ACER3: variants seen among roughly 807,000 people sequenced by gnomAD.
ACER3 encodes the protein alkCDase 3.
In ACER3, 16 loss-of-function variants were observed where a neutral mutation model predicts 48.9. The observed-to-expected ratio is 0.33, with a 90% CI of 0.22 to 0.50. The LOEUF is 0.50. Ranked by LOEUF, ACER3 falls within the 20% of genes least tolerant of loss-of-function variation. The pLI is 0.98. For synonymous variants in ACER3, 109 were observed against 107.8 expected (o/e 1.01, Z -0.07); for missense variants, 227 against 326.0 (o/e 0.70, Z 2.34).
intron 3 of ACER3, among the ~76,000 whole-genome samples, chr11:76,971,497 G>A (rs1011608655): frequency 2.6e-5 from 4 of 151,312 alleles, no homozygotes; most frequent in Admixed American, 6.6e-5. Context: ...CCAAGATCGC[G>A]CCACTGCACT....
Position 76,976,359 on chromosome 11 carries a change from T to G in ACER3, c.320+18T>G. On this transcript the variant is annotated intron_variant, in intron 4 of 10. Transcript: ENST00000532485. The stretch of plus-strand genomic sequence containing the variant: ...TACTGCATGTAAGTACTTTTAAAAT[T>G]TCATTGTTTGATTTATTTTTAAATT... 1 of 1,496,586 alleles carries G rather than the reference T, an allele frequency of 6.7e-7. No individual in the cohort carries two copies. The highest frequency in any genetic ancestry group is 9.2e-7 in the Non-Finnish European group (1 of 1,088,804). The allele number at this position is 1,496,586 out of a possible 1,614,324, so 92.7% of individuals were successfully genotyped here.
intron 2 of ACER3, among the ~76,000 whole-genome samples, chr11:76,946,967 T>C (rs1308237442): frequency 6.6e-6 from 1 of 152,128 alleles, no homozygotes; most frequent in Non-Finnish European, 1.5e-5. Context: ...CTTCTTGTTT[T>C]TCTACATCCA....
chr11:76,948,254 TGTGTGTGTGTAG>T (rs1947532955), intron 2 of ACER3, among the ~76,000 whole-genome samples: 1 of 151,134 alleles, frequency 6.6e-6, no homozygotes, highest in African/African-American at 2.4e-5. Flanking sequence ...TGTGTGTGTG[TGTGTGTGTGTAG>T]GTGTGTAGGT....
intron 1 of ACER3, among the ~76,000 whole-genome samples, chr11:76,903,452 CACCCG>C (rs1946136077): frequency 1.9e-5 from 2 of 107,946 alleles, no homozygotes; most frequent in African/African-American, 3.4e-5. Context: ...CCCACCCCCC[CACCCG>C]CCCCCGGCCC....
chr11:76,950,408 TATA>T (rs140004410), intron 2 of ACER3, among the ~76,000 whole-genome samples: 983 of 29,502 alleles, frequency 0.033, 341 homozygotes, highest in Non-Finnish European at 0.07. Context: ...TATATATATA[TATA>T]ATTTACACAT....
At position 77,020,891 on chromosome 11, in the gene ACER3, A is replaced by G. The variant is rs529107026; in HGVS notation, c.*564A>G. On this transcript the variant is annotated 3_prime_UTR_variant, in exon 11 of 11. Coordinates refer to ENST00000532485, the MANE Select transcript of ACER3 (RefSeq NM_018367.7). ...GTGGGATTCTGTGTAGTTCTTCACT[A>G]TCTGTTCCAGGGCTAGTCGGAGGAT... 2.4e-3 allele frequency: 370 copies of G among 153,622 alleles called. 2 individuals are homozygous for G. Among genetic ancestry groups the G allele is most frequent in the Non-Finnish European group, 3.5e-3 (240 of 68,998 alleles). The allele number at this position is 153,622 out of a possible 1,614,324, so 9.5% of individuals were successfully genotyped here. A position where few individuals can be genotyped will look rare whatever the true frequency, so the allele number is the denominator to read the frequency against.
chr11:76,980,008 C>T (rs1948547750), intron 4 of ACER3, among the ~76,000 whole-genome samples: 1 of 151,762 alleles, frequency 6.6e-6, no homozygotes. Flanking sequence ...CATGGTAGTG[C>T]ATGCCTGTAA....
At chr11:76,998,883 T>G in intron 7 of ACER3, 62 bp downstream of exon 7, 1 of 1,315,290 alleles carries the variant, frequency 7.6e-7, no homozygotes, top group South Asian at 1.4e-5. Context: ...ACAGTAAATC[T>G]ATAGCCTAAA....
At chr11:76,861,997 A>G (rs1944953140) in intron 1 of ACER3, among the ~76,000 whole-genome samples, 1 of 152,232 alleles carries the variant, frequency 6.6e-6, no homozygotes. Context: ...GCTAGGAGAA[A>G]TCTGCCACTT....
intron 4 of ACER3, among the ~76,000 whole-genome samples, chr11:76,978,102 C>T (rs1481472374): frequency 3.3e-5 from 5 of 152,164 alleles, no homozygotes; most frequent in South Asian, 2.1e-4. Flanking sequence ...AGGCACCCCT[C>T]GGCAAGAACA....
chr11:76,908,204 C>A (rs995618122), intron 1 of ACER3, among the ~76,000 whole-genome samples: 55 of 152,314 alleles, frequency 3.6e-4, no homozygotes, highest in African/African-American at 1.3e-3. Flanking sequence ...CCACTGCACT[C>A]TAGCCTGGGC....
At chr11:77,005,000 A>T (rs1369254576) in intron 7 of ACER3, among the ~76,000 whole-genome samples, 2 of 142,454 alleles carry the variant, frequency 1.4e-5, no homozygotes, top group Non-Finnish European at 3.1e-5. Context: ...TTGCTTTTAT[A>T]TGCTTTTTCC....
rs577178011 is a variant in ACER3 at position 76,905,425 on chromosome 11, G to A, written c.104-21132G>A. Among the ~76,000 whole-genome samples, 5 of 152,282 alleles carry A rather than the reference G, an allele frequency of 3.3e-5. No homozygotes were observed. The East Asian group carries it at 9.7e-4, about 29-fold the overall frequency. ...GAAAGAGGGCCTGAAATATAGCAGTGATAATGGGGTGAATGGGGTGAATTC... is the reference window on the plus strand; with the variant it reads ...GAAAGAGGGCCTGAAATATAGCAGTAATAATGGGGTGAATGGGGTGAATTC... On this transcript the variant is annotated intron_variant, in intron 1 of 10. Coordinates refer to ENST00000532485, the MANE Select transcript of ACER3 (RefSeq NM_018367.7).
chr11:76,914,496 T>C (rs993349634), intron 1 of ACER3, among the ~76,000 whole-genome samples: 7 of 152,120 alleles, frequency 4.6e-5, no homozygotes, highest in Non-Finnish European at 8.8e-5. Flanking sequence ...CACAATGAGA[T>C]ACCATCTCAC....
chr11:76,899,923 G>T (rs1353779002), intron 1 of ACER3, among the ~76,000 whole-genome samples: 1 of 152,178 alleles, frequency 6.6e-6, no homozygotes, highest in Non-Finnish European at 1.5e-5. Context: ...ATAGCTTACT[G>T]TTGAAGCCAT....
intron 4 of ACER3, among the ~76,000 whole-genome samples, chr11:76,980,819 C>T (rs764554150): frequency 3.9e-5 from 6 of 152,130 alleles, no homozygotes; most frequent in Non-Finnish European, 7.4e-5. Context: ...TTTGTTCCTT[C>T]GTTTGTAAAA....
At chr11:76,904,475 A>C (rs915625608) in intron 1 of ACER3, among the ~76,000 whole-genome samples, 1 of 152,100 alleles carries the variant, frequency 6.6e-6, no homozygotes, top group Non-Finnish European at 1.5e-5. Context: ...TGTACCTTAC[A>C]TGCATAAATT....
intron 2 of ACER3, among the ~76,000 whole-genome samples, chr11:76,951,161 A>G (rs1177088008): frequency 2.0e-5 from 3 of 152,232 alleles, no homozygotes; most frequent in South Asian, 4.1e-4. Flanking sequence ...AATTTTATGT[A>G]CAGCCTTAAG....
At chr11:76,927,210 G>A (rs1946853029) in intron 2 of ACER3, among the ~76,000 whole-genome samples, 1 of 152,134 alleles carries the variant, frequency 6.6e-6, no homozygotes, top group African/African-American at 2.4e-5. Flanking sequence ...CCAACCTTTT[G>A]TGACTTACGT....
Sources: gnomAD v4.1 joint callset for allele counts (sites outside exome capture counted in the v4.1 genomes callset) on GRCh38, gnomAD v4.1.1 for gene constraint, MANE v1.5 for transcripts, NCBI Gene and HGNC (gene_info 2026-07-23, HGNC 2026-07-21) for gene names.